Variants in AKAP12 observed in about 807,000 individuals in gnomAD.
AKAP12 encodes the protein A-kinase anchoring protein 12, also known as A-kinase anchor protein 12.
AKAP12 carries 32 observed loss-of-function variants against 79.9 expected under a neutral mutation model. The observed-to-expected ratio is 0.40, with a 90% CI of 0.30 to 0.54. The LOEUF is 0.54. AKAP12 is among the 20% of genes least tolerant of loss of function. The pLI is 0.48. For missense variants in AKAP12, 2,074 were observed against 2,177.0 expected (o/e 0.95, Z 0.94); for synonymous variants, 808 against 857.0 (o/e 0.94, Z 1.00).
chr6:151,264,576 C>T (rs1797509669), intron 2 of AKAP12, among the ~76,000 whole-genome samples: 2 of 150,510 alleles, frequency 1.3e-5, no homozygotes, highest in Admixed American at 1.3e-4. Flanking sequence ...GAGGCTGAGG[C>T]AGGAGAATCG....
intron 2 of AKAP12, among the ~76,000 whole-genome samples, chr6:151,269,584 A>G (rs897722114): frequency 2.0e-5 from 3 of 152,232 alleles, no homozygotes; most frequent in Admixed American, 1.3e-4. Flanking sequence ...TTAATAGGAA[A>G]TGAATACTCT....
intron 2 of AKAP12, among the ~76,000 whole-genome samples, chr6:151,270,720 T>C (rs1562715137): frequency 2.0e-5 from 3 of 152,212 alleles, no homozygotes; most frequent in Non-Finnish European, 4.4e-5. Context: ...AGAGACATCC[T>C]AGTGAGTGTG....
intron 3 of AKAP12, chr6:151,324,761 CA>C (rs543222891): frequency 1.0e-6 from 1 of 985,226 alleles, no homozygotes; most frequent in African/African-American, 1.7e-5. Context: ...AATTGGAGTA[CA>C]AAAAAAGTGT....
chr6:151,316,758 G>A (rs1582876460), intron 3 of AKAP12, among the ~76,000 whole-genome samples: 2 of 152,164 alleles, frequency 1.3e-5, no homozygotes, highest in Admixed American at 1.3e-4. Flanking sequence ...AGCCTCCTGA[G>A]TAGCTGGGAT....
At chr6:151,291,651 T>G (rs1456745821) in intron 2 of AKAP12, among the ~76,000 whole-genome samples, 2 of 152,212 alleles carry the variant, frequency 1.3e-5, no homozygotes, top group Non-Finnish European at 2.9e-5. Flanking sequence ...AGAAAGCCAT[T>G]TCAATTTATC....
At chr6:151,267,573 C>T (rs1450320947) in intron 2 of AKAP12, among the ~76,000 whole-genome samples, 3 of 152,128 alleles carry the variant, frequency 2.0e-5, no homozygotes, top group African/African-American at 7.2e-5. Flanking sequence ...TGGAGTAGGG[C>T]TATTGGGTGG....
intron 3 of AKAP12, among the ~76,000 whole-genome samples, chr6:151,336,569 A>AC (rs1004370131): frequency 1.3e-5 from 2 of 152,034 alleles, no homozygotes; most frequent in African/African-American, 4.8e-5. Flanking sequence ...ACATGGTGAA[A>AC]CCCCGTCTCT....
intron 2 of AKAP12, among the ~76,000 whole-genome samples, chr6:151,255,791 CA>C (rs1323756112): frequency 6.6e-6 from 1 of 151,938 alleles, no homozygotes; most frequent in Non-Finnish European, 1.5e-5. Flanking sequence ...AAAAACAAAA[CA>C]AAAAAATTAT....
chr6:151,276,398 A>G (rs1465963097), intron 2 of AKAP12, among the ~76,000 whole-genome samples: 2 of 152,242 alleles, frequency 1.3e-5, no homozygotes, highest in Non-Finnish European at 2.9e-5. Flanking sequence ...TTTGAAAGTG[A>G]TTAAGACATT....
chr6:151,320,330 G>C (rs1367350140), intron 3 of AKAP12, among the ~76,000 whole-genome samples: 1 of 151,902 alleles, frequency 6.6e-6, no homozygotes, highest in Non-Finnish European at 1.5e-5. Context: ...GTGTTGCCCA[G>C]GCTGGTCTCG....
At chr6:151,256,527 A>G (rs1797300602) in intron 2 of AKAP12, among the ~76,000 whole-genome samples, 1 of 152,214 alleles carries the variant, frequency 6.6e-6, no homozygotes, top group Non-Finnish European at 1.5e-5. Context: ...AAGATATTAA[A>G]GAAAATTTTC....
In AKAP12 at chr6:151,353,300, G is replaced by T; in HGVS notation, c.4909G>T (p.Ala1637Ser). Residue 1637 changes from alanine to serine, a missense_variant, in exon 4 of 5, where the codon GCC becomes TCC. Coordinates refer to ENST00000402676, the MANE Select transcript of AKAP12 (RefSeq NM_005100.4). ...TGATATTTCCAAAGACATGAGTGAAGCCTCAGAAAAGACCATGACTGTTGA... is the reference window on the plus strand; with the variant it reads ...TGATATTTCCAAAGACATGAGTGAATCCTCAGAAAAGACCATGACTGTTGA... The part of the protein sequence containing the change: ...HSDISKDMSE[A>S]SEKTMTVEVE... 6.2e-7 allele frequency: 1 copy of T among 1,614,180 alleles called. No individual in the cohort carries two copies. Among genetic ancestry groups the T allele is most frequent in the South Asian group, 1.1e-5 (1 of 91,088 alleles).
chr6:151,240,727 A>G lies in AKAP12; in HGVS notation c.162+3A>G. ...CTGCCTCGGACCCCGCCACCAAGGTACGGGCGTGCCGGGCCACCTGCGCCG... is the reference window on the plus strand; with the variant it reads ...CTGCCTCGGACCCCGCCACCAAGGTGCGGGCGTGCCGGGCCACCTGCGCCG... On this transcript the variant is annotated splice_donor_region_variant and intron_variant, in intron 2 of 4. Transcript: ENST00000402676. 1.9e-6 allele frequency: 2 copies of G among 1,033,862 alleles called. No homozygotes were observed. Among genetic ancestry groups the G allele is most frequent in the Non-Finnish European group, 2.3e-6 (2 of 863,308 alleles). 64.0% of individuals were successfully genotyped at this position (1,033,862 alleles called of 1,614,324 possible). A position where few individuals can be genotyped will look rare whatever the true frequency, so the allele number is the denominator to read the frequency against.
At position 151,358,165 on chromosome 6, in the gene AKAP12, T is replaced by C. The variant is rs1256306150; in HGVS notation, c.*2451T>C. 1 of 152,246 alleles carries C rather than the reference T, an allele frequency of 6.6e-6. No individual in the cohort carries two copies. Among genetic ancestry groups the C allele is most frequent in the Non-Finnish European group, 1.5e-5 (1 of 68,046 alleles). The allele number at this position is 152,246 out of a possible 1,614,324, so 9.4% of individuals were successfully genotyped here. A position where few individuals can be genotyped will look rare whatever the true frequency, so the allele number is the denominator to read the frequency against. On this transcript the variant is annotated 3_prime_UTR_variant, in exon 5 of 5. Transcript: ENST00000402676. ...AGCTGCTGTTAATTTATGAAGTACATAATAATCTAATGTAAACTGCAGAAG... is the reference window on the plus strand; with the variant it reads ...AGCTGCTGTTAATTTATGAAGTACACAATAATCTAATGTAAACTGCAGAAG...
intron 2 of AKAP12, among the ~76,000 whole-genome samples, chr6:151,252,732 G>GGAA (rs1357356762): frequency 1.5e-3 from 147 of 95,822 alleles, no homozygotes; most frequent in African/African-American, 2.6e-3. Flanking sequence ...CTGTCTCTGG[G>GGAA]AAAAAAAAAA....
At chr6:151,289,263 T>C (rs1465738050) in intron 2 of AKAP12, among the ~76,000 whole-genome samples, 1 of 152,100 alleles carries the variant, frequency 6.6e-6, no homozygotes, top group Non-Finnish European at 1.5e-5. Flanking sequence ...AAACTGATAC[T>C]CTCCACCCCT....
chr6:151,240,608 C>T lies in AKAP12; in HGVS notation c.46C>T (p.Pro16Ser). The stretch of plus-strand genomic sequence containing the variant: ...CGAGCAGCGCAGCCCGGAGCAGCCG[C>T]CCGAGGGGAGCTCCACGCCGGCTGA... ...STEQRSPEQPPEGSSTPAEPE... is the reference protein window; with the variant it reads ...STEQRSPEQPSEGSSTPAEPE... The change falls in exon 2 of 5, where the codon CCC becomes TCC. Residue 16 changes from proline (P) to serine (S), a missense_variant. Transcript: ENST00000402676. 2 of 1,410,410 alleles carry T rather than the reference C, an allele frequency of 1.4e-6. No homozygotes were observed. The highest frequency in any genetic ancestry group is 1.8e-6 in the Non-Finnish European group (2 of 1,086,150). The allele number at this position is 1,410,410 out of a possible 1,614,324, so 87.4% of individuals were successfully genotyped here.
chr6:151,349,745 G>A lies in AKAP12; in HGVS notation c.1354G>A (p.Ala452Thr). 6.2e-7 allele frequency: 1 copy of A among 1,614,120 alleles called. No individual in the cohort carries two copies. Among genetic ancestry groups the A allele is most frequent in the Non-Finnish European group, 8.5e-7 (1 of 1,180,022 alleles). Residue 452 changes from alanine (A) to threonine (T), a missense_variant, in exon 4 of 5, where the codon GCA becomes ACA. By Grantham distance (58) the Ala-to-Thr change is moderately conservative. Around this residue, in one of 3 missense-constraint regions of AKAP12, gnomAD observed 1,428 missense variants for 1,451.0 expected, o/e 0.98. Coordinates refer to ENST00000402676, the MANE Select transcript of AKAP12 (RefSeq NM_005100.4). Reference sequence around the variant, plus strand: ...AGCTGAAGAATTGGTTGAAATGGATGCAGAACCTCAGGAAGCTGAACCTGC... The same window carrying A: ...AGCTGAAGAATTGGTTGAAATGGATACAGAACCTCAGGAAGCTGAACCTGC... ...VPAEELVEMD[A>T]EPQEAEPAKE... is the part of the protein sequence containing the mutation.
intron 2 of AKAP12, among the ~76,000 whole-genome samples, chr6:151,267,014 C>CAAAAAAAAAAAAAA (rs34974747): frequency 2.8e-5 from 1 of 35,340 alleles, no homozygotes; most frequent in African/African-American, 7.5e-5. Context: ...GACTCCATCT[C>CAAAAAAAAAAAAAA]AAAAAAAAAA....
Sources: gnomAD v4.1 joint callset for allele counts (sites outside exome capture counted in the v4.1 genomes callset) on GRCh38, gnomAD v4.1.1 for gene constraint, gnomAD v4.1.1 regional missense constraint, MANE v1.5 for transcripts, NCBI Gene and HGNC (gene_info 2026-07-23, HGNC 2026-07-21) for gene names.